DCLK2: variants seen among roughly 807,000 people sequenced by gnomAD.
DCLK2 encodes the protein doublecortin like kinase 2, also known as serine/threonine-protein kinase DCLK2.
A neutral mutation model predicts 78.4 loss-of-function variants in DCLK2; 31 were observed. The observed-to-expected ratio is 0.40, with a 90% CI of 0.30 to 0.53. DCLK2 has a LOEUF of 0.53. Ranked by LOEUF, DCLK2 falls within the 20% of genes least tolerant of loss-of-function variation. DCLK2 has a pLI of 0.61. For synonymous variants in DCLK2, 407 were observed against 374.9 expected (o/e 1.09, Z -0.99); for missense variants, 872 against 973.7 (o/e 0.90, Z 1.39).
intron 2 of DCLK2, among the ~76,000 whole-genome samples, chr4:150,173,676 G>A (rs1367532004): frequency 6.6e-6 from 1 of 152,190 alleles, no homozygotes; most frequent in African/African-American, 2.4e-5. Flanking sequence ...TGAGTGCCTT[G>A]CATTGTCCTC....
intron 2 of DCLK2, among the ~76,000 whole-genome samples, chr4:150,190,056 A>C (rs1738292450): frequency 1.4e-5 from 2 of 147,406 alleles, no homozygotes; most frequent in African/African-American, 2.5e-5. Context: ...AAAAAAGGCC[A>C]AGTGTGGTGG....
At chr4:150,247,238 T>A (rs1290576169) in intron 12 of DCLK2, among the ~76,000 whole-genome samples, 23 of 152,122 alleles carry the variant, frequency 1.5e-4, no homozygotes, top group Non-Finnish European at 2.9e-5. Context: ...AATTGATCAT[T>A]CTCACCATTT....
chr4:150,227,690 A>G (rs867983125), intron 8 of DCLK2, among the ~76,000 whole-genome samples: 4 of 152,196 alleles, frequency 2.6e-5, no homozygotes, highest in Admixed American at 6.5e-5. Flanking sequence ...TTCCAGTTCT[A>G]ATATTCTCTT....
intron 2 of DCLK2, among the ~76,000 whole-genome samples, chr4:150,123,324 A>G (rs1354733476): frequency 2.0e-5 from 3 of 152,116 alleles, no homozygotes; most frequent in African/African-American, 7.2e-5. Flanking sequence ...GCCTAGTTTC[A>G]GTATTGTTGT....
chr4:150,114,995 G>A (rs1731970373), intron 2 of DCLK2, among the ~76,000 whole-genome samples: 1 of 152,058 alleles, frequency 6.6e-6, no homozygotes, highest in South Asian at 2.1e-4. Context: ...CAACCTTTTT[G>A]CTTTCTCTTC....
At chr4:150,174,997 CA>C (rs200730503) in intron 2 of DCLK2, among the ~76,000 whole-genome samples, 153 of 3,424 alleles carry the variant, frequency 0.045, 14 homozygotes, top group Middle Eastern at 0.25. Context: ...GACTCCGTCG[CA>C]AAAAAAAAAA....
At chr4:150,164,772 C>G (rs1735946925) in intron 2 of DCLK2, among the ~76,000 whole-genome samples, 1 of 151,932 alleles carries the variant, frequency 6.6e-6, no homozygotes, top group Non-Finnish European at 1.5e-5. Context: ...GCACTCCAGC[C>G]TGGGCAACAG....
intron 4 of DCLK2, chr4:150,199,171 A>G (rs1396484956): frequency 8.5e-7 from 1 of 1,176,070 alleles, no homozygotes; most frequent in South Asian, 1.3e-5. Context: ...ATTTCCATGA[A>G]TGTATCTGGC....
chr4:150,160,199 G>A (rs1735605195), intron 2 of DCLK2, among the ~76,000 whole-genome samples: 1 of 151,958 alleles, frequency 6.6e-6, no homozygotes, highest in Admixed American at 6.6e-5. Context: ...TGTACTTTTT[G>A]TAGAGTCAAG....
chr4:150,221,317 GTT>G (rs764898623), intron 6 of DCLK2, among the ~76,000 whole-genome samples: 2 of 135,264 alleles, frequency 1.5e-5, no homozygotes, highest in Non-Finnish European at 1.6e-5. Context: ...TCCTTTCTTT[GTT>G]TTTTTTTTTT....
In DCLK2 at chr4:150,157,488, T is replaced by TG. The variant is rs1735380834; in HGVS notation, c.757-35650_757-35649insG. 3.9e-5 allele frequency among the ~76,000 whole-genome samples: 5 copies of TG among 129,472 alleles called. No homozygotes were observed. The South Asian group carries it at 8.3e-4, about 21-fold the overall frequency. 84.9% of individuals were successfully genotyped at this position (129,472 alleles called of 152,430 possible). ...TTTTGTATTTTTTGTAGAGATGGTT[T>TG]TTTTGTTTGTTTGTTTGTTTGTTTG... On this transcript the variant is annotated intron_variant, in intron 2 of 15. Transcript: ENST00000296550.
At chr4:150,182,958 TTCTC>T (rs967011867) in intron 2 of DCLK2, among the ~76,000 whole-genome samples, 2 of 151,444 alleles carry the variant, frequency 1.3e-5, no homozygotes, top group Non-Finnish European at 3.0e-5. Context: ...GGGATTTTTG[TTCTC>T]TCTCTCTCTC....
chr4:150,170,321 G>A (rs567558218), intron 2 of DCLK2, among the ~76,000 whole-genome samples: 4 of 152,114 alleles, frequency 2.6e-5, no homozygotes, highest in Non-Finnish European at 4.4e-5. Flanking sequence ...TGGGATTATA[G>A]GCATGAGCCA....
intron 1 of DCLK2, among the ~76,000 whole-genome samples, chr4:150,101,260 A>T (rs1253398559): frequency 1.3e-5 from 2 of 152,168 alleles, no homozygotes; most frequent in Non-Finnish European, 2.9e-5. Flanking sequence ...CAAAATAAAT[A>T]AATTAATTAA....
At chr4:150,190,380 G>A (rs370257780) in intron 2 of DCLK2, among the ~76,000 whole-genome samples, 2 of 152,210 alleles carry the variant, frequency 1.3e-5, no homozygotes, top group East Asian at 1.9e-4. Flanking sequence ...GTAAGAATCA[G>A]CTCTGAAGCT....
intron 1 of DCLK2, among the ~76,000 whole-genome samples, chr4:150,098,091 T>C (rs562508231): frequency 6.6e-6 from 1 of 152,166 alleles, no homozygotes; most frequent in South Asian, 2.1e-4. Context: ...CTGATTAATA[T>C]TAGGAAGGAT....
At chr4:150,171,370 A>AGTGTAGTGC (rs1736518493) in intron 2 of DCLK2, among the ~76,000 whole-genome samples, 2 of 152,200 alleles carry the variant, frequency 1.3e-5, no homozygotes, top group Non-Finnish European at 2.9e-5. Context: ...AGTGCCAGCT[A>AGTGTAGTGC]CTTGGGAGGC....
At chr4:150,141,428 G>A (rs893031198) in intron 2 of DCLK2, among the ~76,000 whole-genome samples, 16 of 152,208 alleles carry the variant, frequency 1.1e-4, no homozygotes, top group African/African-American at 3.9e-4. Context: ...CTGAAAAGGG[G>A]GTTAAAAGGG....
chr4:150,179,177 G>A (rs894140455), intron 2 of DCLK2, among the ~76,000 whole-genome samples: 8 of 151,948 alleles, frequency 5.3e-5, no homozygotes, highest in African/African-American at 9.7e-5. Context: ...ACAGGCGCCC[G>A]CCACCATGCC....
Sources: allele counts gnomAD v4.1 joint callset (sites outside exome capture counted in the v4.1 genomes callset), GRCh38; gene constraint gnomAD v4.1.1; transcripts MANE v1.5; gene names NCBI Gene and HGNC (gene_info 2026-07-23, HGNC 2026-07-21).